CEP126: variants seen among roughly 807,000 people sequenced by gnomAD.
The protein encoded by CEP126 is centrosomal protein of 126 kDa.
Under a neutral mutation model 107.8 loss-of-function variants are expected in CEP126, and 74 were observed. The observed-to-expected ratio is 0.69, with a 90% confidence interval of 0.57 to 0.83. The LOEUF (loss-of-function observed/expected upper bound fraction) is 0.83, where lower values mean the gene tolerates loss of function less well. Ranked by LOEUF, CEP126 falls within the 40% of genes least tolerant of loss-of-function variation. The pLI is 0.00. For missense variants in CEP126, 1,237 were observed against 1,281.9 expected (o/e 0.96, Z 0.53); for synonymous variants, 449 against 446.0 (o/e 1.01, Z -0.08).
intron 2 of CEP126, among the ~76,000 whole-genome samples, chr11:101,924,742 AT>A (rs1342595591): frequency 6.6e-6 from 1 of 151,820 alleles, no homozygotes; most frequent in Non-Finnish European, 1.5e-5. Flanking sequence ...TGCTGGGATT[AT>A]AGGTGGTTTT....
chr11:101,958,493 G>C (rs778366507), intron 5 of CEP126, 127 bp downstream of exon 5: 4 of 710,164 alleles, frequency 5.6e-6, no homozygotes, highest in Non-Finnish European at 9.3e-6. Flanking sequence ...CAGTGTGGAT[G>C]AATCAGCACA....
chr11:101,951,200 C>T (rs2137101736), intron 4 of CEP126, among the ~76,000 whole-genome samples: 1 of 152,200 alleles, frequency 6.6e-6, no homozygotes, highest in Middle Eastern at 3.4e-3. Context: ...TGATCAATTA[C>T]AAGTATAAGA....
Position 101,961,936 on chromosome 11 carries a change from C to T in CEP126, c.901C>T (p.Leu301=). 1 of 1,611,352 alleles carries T rather than the reference C, an allele frequency of 6.2e-7. No homozygotes were observed. Among genetic ancestry groups the T allele is most frequent in the Non-Finnish European group, 8.5e-7 (1 of 1,178,778 alleles). The change falls in exon 6 of 11, where the codon CTG becomes TTG. Residue 301 remains leucine, a synonymous_variant. Coordinates refer to ENST00000263468, the MANE Select transcript of CEP126 (RefSeq NM_020802.4). The part of the protein sequence containing the change: ...TNLSCFDEDK[L]AFSKTQHINN... Reference sequence around the variant, plus strand: ...TCTCAGCTGCTTTGATGAAGATAAACTGGCATTCTCTAAAACTCAACATAT... The same window carrying T: ...TCTCAGCTGCTTTGATGAAGATAAATTGGCATTCTCTAAAACTCAACATAT...
Position 101,963,866 on chromosome 11 carries a change from A to G in CEP126, c.2831A>G (p.Asn944Ser). 6.3e-7 allele frequency: 1 copy of G among 1,599,920 alleles called. No individual in the cohort carries two copies. The highest frequency in any genetic ancestry group is 2.2e-5 in the East Asian group (1 of 44,798). Residue 944 changes from asparagine to serine, a missense_variant, in exon 6 of 11, where the codon AAT (asparagine) becomes AGT (serine). By Grantham distance (46) the Asn-to-Ser change is conservative. Transcript: ENST00000263468. Reference protein sequence around the residue: ...WKRGPNVLHQNKRATGSTVMR... With the variant: ...WKRGPNVLHQSKRATGSTVMR... The stretch of plus-strand genomic sequence containing the variant: ...AGAGGTCCTAATGTCCTGCATCAAA[A>G]TAAGAGGGCTACAGGTAAGAATAAA...
At chr11:101,965,448 T>C (rs1285736862) in intron 6 of CEP126, among the ~76,000 whole-genome samples, 1 of 152,180 alleles carries the variant, frequency 6.6e-6, no homozygotes, top group Non-Finnish European at 1.5e-5. Context: ...TTGAATTGAA[T>C]GGATAGAAGC....
At position 101,915,425 on chromosome 11, in the gene CEP126, G is replaced by T. The variant is rs1488702958; in HGVS notation, c.128+13G>T. On this transcript the variant is annotated intron_variant, in intron 1 of 10. Coordinates refer to ENST00000263468, the MANE Select transcript of CEP126 (RefSeq NM_020802.4). ...CTGGCTCTTACCTGTATCCTTCCCA[G>T]CCTGTGGCTGCCAGGGTAGCGATGT... The T allele has an allele frequency of 1.3e-6, 2 of 1,598,174 alleles. No homozygotes were observed. The highest frequency in any genetic ancestry group is 4.5e-5 in the East Asian group (2 of 44,472).
At chr11:101,956,332 C>G (rs974843092) in intron 4 of CEP126, 7 of 456,252 alleles carry the variant, frequency 1.5e-5, no homozygotes, top group African/African-American at 1.2e-4. Flanking sequence ...TATCCAGTCA[C>G]CCCCCTTATC....
At chr11:101,996,842 C>T (rs1941447707) in intron 10 of CEP126, among the ~76,000 whole-genome samples, 1 of 152,084 alleles carries the variant, frequency 6.6e-6, no homozygotes, top group African/African-American at 2.4e-5. Flanking sequence ...ATGTGGGTTC[C>T]AGGCCCTTTC....
chr11:101,943,445 C>G (rs1405053494), intron 2 of CEP126, among the ~76,000 whole-genome samples: 1 of 151,806 alleles, frequency 6.6e-6, no homozygotes, highest in Non-Finnish European at 1.5e-5. Context: ...TAACCCCATG[C>G]ATTCTAAGGA....
In CEP126 at chr11:101,962,668, T is replaced by C. The variant is rs1940994631; in HGVS notation, c.1633T>C (p.Ser545Pro). ...DEKQKLAETSSLSNVTSNYDF... is the reference protein window; with the variant it reads ...DEKQKLAETSPLSNVTSNYDF... ...AAAACAAAAATTAGCTGAAACATCA[T>C]CCTTGTCTAATGTAACTTCTAATTA... Residue 545 changes from serine (S) to proline (P), a missense_variant, in exon 6 of 11, where the codon TCC becomes CCC. Ser to Pro is a moderately conservative substitution (Grantham distance 74). Around this residue, in one of 3 missense-constraint regions of CEP126, gnomAD observed 1,134 missense variants for 1,150.5 expected, o/e 0.99. Coordinates refer to ENST00000263468, the MANE Select transcript of CEP126 (RefSeq NM_020802.4). The C allele has an allele frequency of 6.2e-7, 1 of 1,613,354 alleles. No homozygotes were observed. Among genetic ancestry groups the C allele is most frequent in the Non-Finnish European group, 8.5e-7 (1 of 1,179,694 alleles).
chr11:101,984,633 A>G (rs1475162292), intron 8 of CEP126, among the ~76,000 whole-genome samples: 2 of 152,194 alleles, frequency 1.3e-5, no homozygotes, highest in African/African-American at 4.8e-5. Flanking sequence ...GGGTTTATTG[A>G]ACGACTAGAG....
intron 6 of CEP126, among the ~76,000 whole-genome samples, chr11:101,966,905 A>G (rs1403975701): frequency 2.0e-5 from 3 of 151,766 alleles, no homozygotes; most frequent in East Asian, 1.9e-4. Flanking sequence ...TCACTCCTCT[A>G]CTTAAGCACA....
chr11:101,958,648 A>G (rs1940932283), intron 5 of CEP126, among the ~76,000 whole-genome samples: 1 of 152,236 alleles, frequency 6.6e-6, no homozygotes. Context: ...CTTAATGGAA[A>G]TATGGCAGAA....
chr11:101,956,169 T>C, intron 4 of CEP126: 1 of 456,446 alleles, frequency 2.2e-6, no homozygotes, highest in Non-Finnish European at 4.4e-6. Flanking sequence ...CACAAGTTAT[T>C]TTACAAAACT....
chr11:101,935,662 T>C (rs76574787), intron 2 of CEP126, among the ~76,000 whole-genome samples: 4,067 of 152,220 alleles, frequency 0.027, 72 homozygotes, highest in African/African-American at 0.048. Flanking sequence ...TGTATTTTGT[T>C]CCATTGGTCT....
intron 2 of CEP126, among the ~76,000 whole-genome samples, chr11:101,938,666 T>C (rs1167595112): frequency 6.6e-6 from 1 of 152,052 alleles, no homozygotes; most frequent in Non-Finnish European, 1.5e-5. Flanking sequence ...GGGCAACAAA[T>C]CAAGACACCC....
chr11:101,951,563 AGAG>A (rs373798032), intron 4 of CEP126, among the ~76,000 whole-genome samples: 114 of 152,168 alleles, frequency 7.5e-4, no homozygotes, highest in African/African-American at 2.5e-3. Context: ...AAGATGAGGA[AGAG>A]GAGGAGAAAG....
At chr11:101,980,404 A>T (rs1261329813) in intron 7 of CEP126, among the ~76,000 whole-genome samples, 3 of 152,238 alleles carry the variant, frequency 2.0e-5, no homozygotes, top group Non-Finnish European at 4.4e-5. Flanking sequence ...GCCTGTTATT[A>T]GTGCCCTCTG....
rs1941474717 is a variant in CEP126, at chr11:101,998,856, G to GC, written c.*1215dup. The GC allele has an allele frequency of 6.6e-6, 1 of 152,014 alleles. No individual in the cohort carries two copies. The highest frequency in any genetic ancestry group is 2.1e-4 in the South Asian group (1 of 4,814). 9.4% of individuals were successfully genotyped at this position (152,014 alleles called of 1,614,324 possible). Reference sequence around the variant, plus strand: ...TTTAGAGATGAGAAACTGAGCCAAGGCCACATAGCTACCTACAGTGACAGA... The same window carrying GC: ...TTTAGAGATGAGAAACTGAGCCAAGGCCCACATAGCTACCTACAGTGACAGA... On this transcript the variant is annotated 3_prime_UTR_variant, in exon 11 of 11. Coordinates refer to ENST00000263468, the MANE Select transcript of CEP126 (RefSeq NM_020802.4).
Sources: allele counts gnomAD v4.1 joint callset (sites outside exome capture counted in the v4.1 genomes callset), GRCh38; gene constraint gnomAD v4.1.1; regional missense constraint gnomAD v4.1.1; transcripts MANE v1.5; gene names NCBI Gene and HGNC (gene_info 2026-07-23, HGNC 2026-07-21).